Variants in STK10 observed in about 807,000 individuals in gnomAD.
The protein encoded by STK10 is serine/threonine-protein kinase 10.
Under a neutral mutation model 113.8 loss-of-function variants are expected in STK10, and 78 were observed. That is an observed-to-expected ratio of 0.69 (90% CI 0.57 to 0.83). The LOEUF is 0.83. Among genes scored for constraint, STK10 ranks in the 40% least tolerant of loss-of-function variants. The pLI, the probability that STK10 is intolerant of heterozygous loss-of-function variation, is 0.00. For synonymous variants in STK10, 465 were observed against 494.7 expected (o/e 0.94, Z 0.80); for missense variants, 1,109 against 1,280.1 (o/e 0.87, Z 2.04).
At chr5:172,164,211 TAAAAAAAAAA>T (rs57573746) in intron 1 of STK10, among the ~76,000 whole-genome samples, 1 of 84,630 alleles carries the variant, frequency 1.2e-5, no homozygotes, top group African/African-American at 4.8e-5. Context: ...AAACTCCATC[TAAAAAAAAAA>T]AAAAAAAAAA....
At chr5:172,061,607 A>G (rs1767939168) in intron 13 of STK10, 2 of 169,056 alleles carry the variant, frequency 1.2e-5, no homozygotes, top group South Asian at 2.7e-4. Context: ...GAGCACCACC[A>G]CTCCTGACTA....
chr5:172,157,150 T>C (rs888917949), intron 1 of STK10, among the ~76,000 whole-genome samples: 3 of 152,218 alleles, frequency 2.0e-5, no homozygotes, highest in Admixed American at 6.5e-5. Context: ...CCTTCATACA[T>C]GCTCACAAGC....
intron 12 of STK10, among the ~76,000 whole-genome samples, chr5:172,076,009 A>AT (rs202016583): frequency 0.022 from 3,385 of 151,532 alleles, 147 homozygotes; most frequent in African/African-American, 0.077. Flanking sequence ...CAATTCTTGG[A>AT]TTTATTTTTT....
rs1271439718 is a variant in STK10, at chr5:172,043,058, T to C, written c.*1824A>G. On this transcript the variant is annotated 3_prime_UTR_variant, in exon 19 of 19. Transcript: ENST00000176763. ...TTGAGCCACGAGTTTGAGATCAGCT[T>C]GGGCAACATATTAGAGACCCTGTCT... The C allele has an allele frequency of 6.6e-6, 1 of 152,040 alleles. No individual in the cohort carries two copies. The highest frequency in any genetic ancestry group is 1.5e-5 in the Non-Finnish European group (1 of 68,042). 9.4% of individuals were successfully genotyped at this position (152,040 alleles called of 1,614,324 possible). A position where few individuals can be genotyped will look rare whatever the true frequency, so the allele number is the denominator to read the frequency against.
chr5:172,164,647 A>G (rs759241249), intron 1 of STK10, among the ~76,000 whole-genome samples: 5 of 152,022 alleles, frequency 3.3e-5, no homozygotes, highest in Non-Finnish European at 7.4e-5. Context: ...TCTCCCCCCT[A>G]TATGGGGGAG....
chr5:172,061,331 C>T (rs1767932525), intron 13 of STK10, 63 bp from the exon 14 acceptor site: 18 of 1,526,724 alleles, frequency 1.2e-5, no homozygotes, highest in Middle Eastern at 3.6e-4. Flanking sequence ...CATGTCTCTT[C>T]CTATTATGGG....
Position 172,082,274 on chromosome 5 carries a change from G to T in STK10, c.1989+52C>A. ...TGAGGCCACGATCACTTGCAACCAA[G>T]AAGGCCCCTAATACTCCGAGATGCC... On this transcript the variant is annotated intron_variant, in intron 12 of 18. Coordinates refer to ENST00000176763, the MANE Select transcript of STK10 (RefSeq NM_005990.4). This position sits in a 1 kb window ranked among gnomAD's most constrained non-coding sequence, Gnocchi z 4.3. 1 of 1,438,002 alleles carries T rather than the reference G, an allele frequency of 7.0e-7. No individual in the cohort carries two copies. The allele number at this position is 1,438,002 out of a possible 1,614,324, so 89.1% of individuals were successfully genotyped here. A position where few individuals can be genotyped will look rare whatever the true frequency, so the allele number is the denominator to read the frequency against.
chr5:172,112,904 G>A (rs552859007), intron 4 of STK10, among the ~76,000 whole-genome samples: 1 of 151,742 alleles, frequency 6.6e-6, no homozygotes, highest in African/African-American at 2.4e-5. Flanking sequence ...GCGCCACCAC[G>A]CCCGGCTAAT....
chr5:172,093,401 G>A lies in STK10; in HGVS notation c.1554+11C>T, dbSNP rs772517256. On this transcript the variant is annotated intron_variant, in intron 9 of 18. Coordinates refer to ENST00000176763, the MANE Select transcript of STK10 (RefSeq NM_005990.4). The surrounding 1 kb of genome is among the most constrained non-coding windows in gnomAD (Gnocchi z 4.1). Reference sequence around the variant, plus strand: ...CTTGCTGCAAGCCCGTGGTGGCAGAGGCGGTGTTACCTTGATGGACAGAGA... The same window carrying A: ...CTTGCTGCAAGCCCGTGGTGGCAGAAGCGGTGTTACCTTGATGGACAGAGA... 1.9e-6 allele frequency: 3 copies of A among 1,575,446 alleles called. No homozygotes were observed. Among genetic ancestry groups the A allele is most frequent in the East Asian group, 4.5e-5 (2 of 44,160 alleles).
intron 4 of STK10, chr5:172,114,644 G>T (rs1284880095): frequency 6.6e-6 from 1 of 150,510 alleles, no homozygotes; most frequent in Non-Finnish European, 1.5e-5. Context: ...CACCATGCCT[G>T]GCTAATTTTT....
intron 4 of STK10, among the ~76,000 whole-genome samples, chr5:172,111,812 G>T (rs1176277799): frequency 6.6e-6 from 1 of 152,202 alleles, no homozygotes; most frequent in Non-Finnish European, 1.5e-5. Context: ...CACTCAACAG[G>T]TTTATCGAAT....
At chr5:172,181,572 T>C (rs1770856391) in intron 1 of STK10, among the ~76,000 whole-genome samples, 1 of 147,168 alleles carries the variant, frequency 6.8e-6, no homozygotes, top group Non-Finnish European at 1.5e-5. Flanking sequence ...AACCTCCACC[T>C]CCCAGGTTCA....
At chr5:172,057,532 C>G in intron 14 of STK10, 59 bp from the exon 15 acceptor site, 3 of 1,522,670 alleles carry the variant, frequency 2.0e-6, no homozygotes, top group Non-Finnish European at 2.7e-6. Flanking sequence ...TCGACAGGCC[C>G]CCTGCCCCCC....
chr5:172,137,891 CA>C (rs34136706), intron 2 of STK10, among the ~76,000 whole-genome samples: 20,306 of 78,286 alleles, frequency 0.26, 1,129 homozygotes, highest in East Asian at 0.31. Context: ...GACTCTGTCT[CA>C]AAAAAAAAAA....
chr5:172,187,871 A>C lies in STK10; in HGVS notation c.156+16T>G, dbSNP rs1770985569. The C allele has an allele frequency of 3.1e-6, 5 of 1,611,412 alleles. No homozygotes were observed. Among genetic ancestry groups the C allele is most frequent in the Non-Finnish European group, 4.2e-6 (5 of 1,179,018 alleles). ...CCCCTCGACGCGCGTCCGGCCACCC[A>C]CCTCAGCGCCCTCACCTTGTAAACC... is the stretch of plus-strand genomic sequence containing the variant. On this transcript the variant is annotated intron_variant, in intron 1 of 18. Coordinates refer to ENST00000176763, the MANE Select transcript of STK10 (RefSeq NM_005990.4). The surrounding 1 kb of genome is among the most constrained non-coding windows in gnomAD (Gnocchi z 4.6).
intron 1 of STK10, among the ~76,000 whole-genome samples, chr5:172,159,863 C>T (rs1379612081): frequency 6.6e-6 from 1 of 152,014 alleles, no homozygotes; most frequent in Non-Finnish European, 1.5e-5. Flanking sequence ...AAAGGCCGGG[C>T]GCAGTGGCTC....
chr5:172,181,196 T>C (rs1770848791), intron 1 of STK10, among the ~76,000 whole-genome samples: 1 of 152,226 alleles, frequency 6.6e-6, no homozygotes, highest in Non-Finnish European at 1.5e-5. Context: ...GTGGTGCATC[T>C]TTTTTCAGGT....
intron 4 of STK10, 55 bp downstream of exon 4, chr5:172,117,426 A>G: frequency 6.3e-7 from 1 of 1,598,798 alleles, no homozygotes; most frequent in South Asian, 1.1e-5. Flanking sequence ...AGGCCAGGCC[A>G]ACACCCCCAG....
chr5:172,150,243 G>T (rs767661956), intron 2 of STK10, among the ~76,000 whole-genome samples: 1 of 151,788 alleles, frequency 6.6e-6, no homozygotes, highest in Non-Finnish European at 1.5e-5. Context: ...CACTTTGGGA[G>T]GCTGAGGAGG....
Sources: gnomAD v4.1 joint callset for allele counts (sites outside exome capture counted in the v4.1 genomes callset) on GRCh38, gnomAD v4.1.1 for gene constraint, Gnocchi (gnomAD v3.1) non-coding constraint, MANE v1.5 for transcripts, NCBI Gene and HGNC (gene_info 2026-07-23, HGNC 2026-07-21) for gene names.